NCR1: variants seen among roughly 807,000 people sequenced by gnomAD.
NCR1 encodes NK cell-activating receptor.
NCR1 carries 30 observed loss-of-function variants against 32.5 expected under a neutral mutation model. The ratio of observed to expected loss-of-function variants is 0.92; its 90% CI spans 0.69 to 1.25. The LOEUF (loss-of-function observed/expected upper bound fraction) is 1.25, where lower values mean the gene tolerates loss of function less well. Ranked by LOEUF, NCR1 falls within the 50% of genes most tolerant of loss-of-function variation. NCR1 has a pLI of 0.00. For synonymous variants in NCR1, 169 were observed against 143.4 expected, an observed-to-expected ratio of 1.18 and a Z score of -1.28; for missense variants, 369 against 380.7, an observed-to-expected ratio of 0.97 and a Z score of 0.26.
intron 5 of NCR1, among the ~76,000 whole-genome samples, chr19:54,911,939 C>A (rs1017313554): frequency 5.3e-5 from 8 of 151,400 alleles, no homozygotes; most frequent in Non-Finnish European, 8.8e-5. Context: ...AAATAGAAGA[C>A]ATGACTGGTG....
intron 4 of NCR1, among the ~76,000 whole-genome samples, chr19:54,909,815 G>A (rs1602055309): frequency 6.6e-6 from 1 of 151,198 alleles, no homozygotes; most frequent in Admixed American, 6.6e-5. Flanking sequence ...GACACCTGTA[G>A]TCCCAGCTAC....
chr19:54,936,141 T>G, the NCR1 span: 1 of 863,058 alleles, frequency 1.2e-6, no homozygotes, highest in South Asian at 1.4e-5. Flanking sequence ...CAGGCCTGTT[T>G]GAGGAATACA....
upstream of NCR1, among the ~76,000 whole-genome samples, chr19:54,903,409 TAC>T: frequency 6.9e-6 from 1 of 144,078 alleles, no homozygotes; most frequent in Non-Finnish European, 1.5e-5. Context: ...TATGTATGTA[TAC>T]ACGCATACAT....
the NCR1 span, among the ~76,000 whole-genome samples, chr19:54,926,407 T>C: frequency 3.9e-5 from 6 of 152,298 alleles, no homozygotes; most frequent in South Asian, 1.0e-3. Flanking sequence ...TATAGAAAGA[T>C]GCCTTAAGTT....
At chr19:54,901,496 G>T (rs1220512785), upstream of NCR1, among the ~76,000 whole-genome samples, 1 of 151,820 alleles carries the variant, frequency 6.6e-6, no homozygotes, top group African/African-American at 2.4e-5. Flanking sequence ...TCCCAGGAAT[G>T]CTGGTGTGGG....
At chr19:54,903,311 TAC>T (rs749493292), upstream of NCR1, among the ~76,000 whole-genome samples, 1 of 137,192 alleles carries the variant, frequency 7.3e-6, no homozygotes, top group African/African-American at 2.9e-5. Context: ...CGTATATGTA[TAC>T]ATACATGTAT....
At chr19:54,925,211 T>C in the NCR1 span, among the ~76,000 whole-genome samples, 3 of 151,962 alleles carry the variant, frequency 2.0e-5, no homozygotes, top group African/African-American at 7.3e-5. Context: ...CCCAAACATA[T>C]GACATAAGAG....
chr19:54,926,205 G>GGTGT, the NCR1 span, among the ~76,000 whole-genome samples: 26,033 of 143,610 alleles, frequency 0.18, 3,343 homozygotes, highest in African/African-American at 0.36. Flanking sequence ...AATGATTAGG[G>GGTGT]GTGTGTGTGT....
In NCR1 at chr19:54,909,650, G is replaced by A. The variant is rs1257822411; in HGVS notation, c.634+127G>A. 3.4e-6 allele frequency: 4 copies of A among 1,169,160 alleles called. No individual in the cohort carries two copies. The East Asian group carries it at 1.0e-4, about 30-fold the overall frequency. The allele number at this position is 1,169,160 out of a possible 1,614,324, so 72.4% of individuals were successfully genotyped here. On this transcript the variant is annotated intron_variant, in intron 4 of 6. Transcript: ENST00000291890. Reference sequence around the variant, plus strand: ...ACTTCCTGGGTGCCTGGTTGGTCATGTGAGGAAGAACACCAGAAGCAGGAA... The same window carrying A: ...ACTTCCTGGGTGCCTGGTTGGTCATATGAGGAAGAACACCAGAAGCAGGAA...
At chr19:54,903,609 T>C (rs1243471861), upstream of NCR1, among the ~76,000 whole-genome samples, 1 of 149,218 alleles carries the variant, frequency 6.7e-6, no homozygotes, top group African/African-American at 2.5e-5. Flanking sequence ...TATATGCATG[T>C]GTATATATAC....
the NCR1 span, among the ~76,000 whole-genome samples, chr19:54,922,943 GAAAC>G: frequency 6.6e-6 from 1 of 151,528 alleles, no homozygotes; most frequent in Non-Finnish European, 1.5e-5. Flanking sequence ...CAGACACAGA[GAAAC>G]AAAGAGAGAC....
chr19:54,899,285 A>C, the NCR1 span, among the ~76,000 whole-genome samples: 2 of 152,154 alleles, frequency 1.3e-5, no homozygotes, highest in African/African-American at 2.4e-5. Context: ...GCAGAAGAAA[A>C]TAAGGCATTT....
intron 2 of NCR1, 73 bp downstream of exon 2, chr19:54,906,407 G>C (rs908603209): frequency 2.7e-5 from 44 of 1,604,952 alleles, no homozygotes; most frequent in Non-Finnish European, 3.7e-5. Flanking sequence ...AAGCACGGCT[G>C]GGGTGAGGGG....
At chr19:54,925,294 A>T in the NCR1 span, among the ~76,000 whole-genome samples, 1 of 152,176 alleles carries the variant, frequency 6.6e-6, no homozygotes, top group African/African-American at 2.4e-5. Context: ...CCAACAAGAG[A>T]AGCATGACAC....
upstream of NCR1, among the ~76,000 whole-genome samples, chr19:54,903,108 G>A (rs1281178144): frequency 1.3e-5 from 2 of 151,868 alleles, no homozygotes; most frequent in East Asian, 3.9e-4. Context: ...CCAGCTTGAG[G>A]GACAGAGTGA....
downstream of NCR1, among the ~76,000 whole-genome samples, chr19:54,919,248 C>T (rs1203593905): frequency 1.3e-5 from 2 of 152,094 alleles, no homozygotes; most frequent in Non-Finnish European, 2.9e-5. Context: ...CAGCTGGGCC[C>T]GGGGGACCAC....
downstream of NCR1, among the ~76,000 whole-genome samples, chr19:54,920,977 G>A (rs776869498): frequency 1.3e-5 from 2 of 151,882 alleles, no homozygotes; most frequent in Admixed American, 6.6e-5. Context: ...GACTCTGTCC[G>A]CCCCACCACC....
the NCR1 span, chr19:54,924,010 C>CGGG: frequency 6.8e-5 from 62 of 915,994 alleles, no homozygotes; most frequent in Admixed American, 9.9e-4. Flanking sequence ...CTCTGTTGCC[C>CGGG]AGGCTGGGGT....
At position 54,906,571 on chromosome 19, in the gene NCR1, C is replaced by G. The variant is rs369802427; in HGVS notation, c.119C>G (p.Pro40Arg). 2 of 1,613,192 alleles carry G rather than the reference C, an allele frequency of 1.2e-6. No individual in the cohort carries two copies. Among genetic ancestry groups the G allele is most frequent in the Non-Finnish European group, 8.5e-7 (1 of 1,180,032 alleles). ...FIWAEPHFMV[P>R]KEKQVTICCQ... ...TGGGCCGAGCCCCATTTCATGGTTC[C>G]AAAGGAAAAGCAAGTGACCATCTGT... The change falls in exon 3 of 7, where the codon CCA (proline) becomes CGA (arginine). Residue 40 changes from proline to arginine, a missense_variant. Transcript: ENST00000291890.
Sources: gnomAD v4.1 joint callset for allele counts (sites outside exome capture counted in the v4.1 genomes callset) on GRCh38, gnomAD v4.1.1 for gene constraint, MANE v1.5 for transcripts, NCBI Gene and HGNC (gene_info 2026-07-23, HGNC 2026-07-21) for gene names.